The following HIVEP2 variants were observed in gnomAD, a reference collection of about 807,000 sequenced individuals.
HIVEP2 encodes the protein transcription factor HIVEP2.
Under a neutral mutation model 180.7 loss-of-function variants are expected in HIVEP2, and 14 were observed. The observed-to-expected ratio is 0.08, with a 90% CI of 0.05 to 0.12. HIVEP2 has a LOEUF of 0.12. Ranked by LOEUF, HIVEP2 falls within the 10% of genes least tolerant of loss-of-function variation. HIVEP2 has a pLI of 1.00. For synonymous variants in HIVEP2, 1,184 were observed against 1,136.4 expected (o/e 1.04, Z -0.84); for missense variants, 2,579 against 3,008.5 (o/e 0.86, Z 3.34).
chr6:142,753,009 A>T lies in HIVEP2; in HGVS notation c.*98T>A, dbSNP rs552089515. The stretch of plus-strand genomic sequence containing the variant: ...ATATAATAGCAAACTACTGTAACTT[A>T]GGACAGGCATGCTATAAACTGGATT... On this transcript the variant is annotated 3_prime_UTR_variant, in exon 10 of 10. Transcript: ENST00000367603. 10 of 731,240 alleles carry T rather than the reference A, an allele frequency of 1.4e-5. No homozygotes were observed. In the African/African-American group the frequency reaches 1.6e-4, roughly 12 times the overall value. The allele number at this position is 731,240 out of a possible 1,614,324, so 45.3% of individuals were successfully genotyped here. A position where few individuals can be genotyped will look rare whatever the true frequency, so the allele number is the denominator to read the frequency against.
chr6:142,764,041 T>C (rs1033263787), intron 7 of HIVEP2, among the ~76,000 whole-genome samples: 1 of 152,192 alleles, frequency 6.6e-6, no homozygotes, highest in East Asian at 1.9e-4. Context: ...CCACTAAACC[T>C]AAGGTAAAAC....
chr6:142,851,627 A>G (rs1437110269), intron 1 of HIVEP2, among the ~76,000 whole-genome samples: 2 of 152,226 alleles, frequency 1.3e-5, no homozygotes, highest in African/African-American at 4.8e-5. Context: ...AGTGCTGGAG[A>G]GAGTTTTTTA....
At chr6:142,866,248 A>G (rs1285222098) in intron 1 of HIVEP2, among the ~76,000 whole-genome samples, 2 of 152,166 alleles carry the variant, frequency 1.3e-5, no homozygotes, top group Admixed American at 1.3e-4. Context: ...TAAAATGAGG[A>G]TAATATCAGC....
intron 1 of HIVEP2, among the ~76,000 whole-genome samples, chr6:142,936,826 A>ATTT (rs777113177): frequency 3.2e-4 from 46 of 142,548 alleles, no homozygotes; most frequent in Non-Finnish European, 6.2e-4. Flanking sequence ...AAGGCAAGGA[A>ATTT]TTTTTTTTTT....
intron 2 of HIVEP2, among the ~76,000 whole-genome samples, chr6:142,836,311 T>G (rs1775221412): frequency 6.6e-6 from 1 of 152,140 alleles, no homozygotes; most frequent in African/African-American, 2.4e-5. Context: ...ATTTTAACAG[T>G]AGCCAAAGTC....
intron 1 of HIVEP2, among the ~76,000 whole-genome samples, chr6:142,930,186 T>C (rs1043380475): frequency 6.6e-5 from 10 of 152,060 alleles, no homozygotes; most frequent in African/African-American, 2.4e-4. Context: ...AAAGCCCAGC[T>C]CAAATTAAAT....
intron 1 of HIVEP2, among the ~76,000 whole-genome samples, chr6:142,842,339 G>A (rs1216403524): frequency 1.3e-5 from 2 of 152,064 alleles, no homozygotes; most frequent in East Asian, 1.9e-4. Flanking sequence ...CTAAATCCAC[G>A]TGTTATCTTC....
At chr6:142,834,782 G>A (rs1775182687) in intron 2 of HIVEP2, among the ~76,000 whole-genome samples, 1 of 151,934 alleles carries the variant, frequency 6.6e-6, no homozygotes, top group Non-Finnish European at 1.5e-5. Context: ...CCAATTTGTG[G>A]TGGGAGGAGT....
chr6:142,766,166 A>G (rs1775375460), intron 6 of HIVEP2, among the ~76,000 whole-genome samples: 1 of 152,220 alleles, frequency 6.6e-6, no homozygotes, highest in African/African-American at 2.4e-5. Flanking sequence ...AATTTTAAGA[A>G]AGGAAATCCA....
At chr6:142,905,940 C>T (rs1010093293) in intron 1 of HIVEP2, among the ~76,000 whole-genome samples, 53 of 152,184 alleles carry the variant, frequency 3.5e-4, no homozygotes, top group African/African-American at 1.2e-3. Context: ...TCGAGACCAA[C>T]CTGGCCAACG....
At chr6:142,898,605 T>G (rs1387975621) in intron 1 of HIVEP2, among the ~76,000 whole-genome samples, 1 of 152,120 alleles carries the variant, frequency 6.6e-6, no homozygotes, top group East Asian at 1.9e-4. Context: ...GAGGTTGCAG[T>G]GAGGTCACAC....
intron 1 of HIVEP2, among the ~76,000 whole-genome samples, chr6:142,888,943 G>A (rs908762499): frequency 6.6e-6 from 1 of 152,104 alleles, no homozygotes; most frequent in African/African-American, 2.4e-5. Flanking sequence ...TGACTATACT[G>A]CTCATTCCAT....
chr6:142,773,867 G>A lies in HIVEP2; in HGVS notation c.872C>T (p.Ala291Val), dbSNP rs745356914. 2 of 1,613,530 alleles carry A rather than the reference G, an allele frequency of 1.2e-6. No individual in the cohort carries two copies. The highest frequency in any genetic ancestry group is 1.7e-6 in the Non-Finnish European group (2 of 1,180,020). Residue 291 changes from alanine to valine, a missense_variant, in exon 5 of 10, where the codon GCT (alanine) becomes GTT (valine). Physicochemically the swap from Ala to Val is moderately conservative, Grantham distance 64. This residue lies in a region of HIVEP2 where 142 missense variants were observed against 135.2 expected (regional missense o/e 1.05). Transcript: ENST00000367603. ...TDEESSLFAE[A>V]SDKMSPGPPI... Reference sequence around the variant, plus strand: ...TGGACCAGGACTCATTTTGTCAGAAGCCTCGGCAAATAAAGAACTCTCCTC... The same window carrying A: ...TGGACCAGGACTCATTTTGTCAGAAACCTCGGCAAATAAAGAACTCTCCTC...
chr6:142,767,055 G>T (rs1355250674), intron 6 of HIVEP2, among the ~76,000 whole-genome samples: 1 of 152,134 alleles, frequency 6.6e-6, no homozygotes, highest in East Asian at 1.9e-4. Flanking sequence ...AATCCTTTTG[G>T]ATCACCAAAA....
At chr6:142,812,737 A>G (rs1776730475) in intron 2 of HIVEP2, among the ~76,000 whole-genome samples, 1 of 152,246 alleles carries the variant, frequency 6.6e-6, no homozygotes, top group Non-Finnish European at 1.5e-5. Context: ...CAGAAACTAA[A>G]GAATGGCTGT....
intron 1 of HIVEP2, among the ~76,000 whole-genome samples, chr6:142,859,561 C>T (rs774961808): frequency 4.0e-4 from 61 of 151,394 alleles, no homozygotes; most frequent in African/African-American, 1.2e-3. Context: ...AGGCAGGACG[C>T]GGTGGCTCAT....
At chr6:142,918,773 A>T (rs1412320321) in intron 1 of HIVEP2, among the ~76,000 whole-genome samples, 1 of 152,248 alleles carries the variant, frequency 6.6e-6, no homozygotes, top group African/African-American at 2.4e-5. Flanking sequence ...AGTTATATAA[A>T]TGTATTTTCT....
intron 2 of HIVEP2, among the ~76,000 whole-genome samples, chr6:142,829,350 T>C (rs1775010547): frequency 6.6e-6 from 1 of 152,174 alleles, no homozygotes; most frequent in Admixed American, 6.5e-5. Flanking sequence ...ACACTTTACG[T>C]AGGTGAATAT....
intron 2 of HIVEP2, among the ~76,000 whole-genome samples, chr6:142,836,103 G>T (rs1223809223): frequency 6.6e-6 from 1 of 152,058 alleles, no homozygotes; most frequent in Non-Finnish European, 1.5e-5. Flanking sequence ...ATAACATTTA[G>T]AATTTCAGAA....
Sources: allele counts gnomAD v4.1 joint callset (sites outside exome capture counted in the v4.1 genomes callset), GRCh38; gene constraint gnomAD v4.1.1; regional missense constraint gnomAD v4.1.1; transcripts MANE v1.5; gene names NCBI Gene and HGNC (gene_info 2026-07-23, HGNC 2026-07-21).